Variants in NEK10 observed in about 807,000 individuals in gnomAD.
NEK10 encodes NIMA related kinase 10, also known as serine/threonine-protein kinase Nek10.
A neutral mutation model predicts 159.8 loss-of-function variants in NEK10; 122 were observed. That is an observed-to-expected ratio of 0.76 (90% CI 0.66 to 0.89). NEK10 has a LOEUF of 0.89. Among genes scored for constraint, NEK10 ranks in the 40% least tolerant of loss-of-function variants. The pLI is 0.00. For missense variants in NEK10, 1,342 were observed against 1,323.1 expected (o/e 1.01, Z -0.22); for synonymous variants, 466 against 457.1 (o/e 1.02, Z -0.25).
At chr3:27,311,291 C>A in intron 8 of NEK10, 1 of 260,658 alleles carries the variant, frequency 3.8e-6, no homozygotes, top group Non-Finnish European at 7.2e-6. Context: ...AGTTCCTTAA[C>A]ATCATTACCA....
chr3:27,288,130 A>G (rs777098848), intron 19 of NEK10, among the ~76,000 whole-genome samples: 1 of 152,204 alleles, frequency 6.6e-6, no homozygotes, highest in Non-Finnish European at 1.5e-5. Context: ...GTTGACTACA[A>G]ATATTCATTG....
Position 27,108,705 on chromosome 3 carries a change from G to A in NEK10, c.*2567C>T, listed in dbSNP as rs781667762. Among the ~76,000 whole-genome samples, 36 of 152,196 alleles carry A rather than the reference G, an allele frequency of 2.4e-4. No homozygotes were observed. The highest frequency in any genetic ancestry group is 2.1e-4 in the Non-Finnish European group (14 of 68,036). ...AGATTAAGAGGTCTATGAAGTTCAT[G>A]TAACAACTCCTTTGCACTAATAGAC... On this transcript the variant is annotated 3_prime_UTR_variant, in exon 36 of 36. Coordinates refer to ENST00000691995, the MANE Select transcript of NEK10 (RefSeq NM_001394966.1).
chr3:27,328,564 A>G (rs1254770757), intron 5 of NEK10, among the ~76,000 whole-genome samples: 1 of 152,190 alleles, frequency 6.6e-6, no homozygotes, highest in African/African-American at 2.4e-5. Context: ...GAGTGAGCAA[A>G]GATAGAGCAA....
intron 23 of NEK10, among the ~76,000 whole-genome samples, chr3:27,209,964 C>T (rs909820965): frequency 4.6e-5 from 7 of 151,626 alleles, no homozygotes; most frequent in Admixed American, 3.9e-4. Flanking sequence ...CCCCACCCCA[C>T]TCCTATCCGA....
At chr3:27,280,912 GGTGTGTGT>G (rs148929788) in intron 22 of NEK10, among the ~76,000 whole-genome samples, 4 of 137,600 alleles carry the variant, frequency 2.9e-5, no homozygotes, top group African/African-American at 1.0e-4. Flanking sequence ...ATGTACATAT[GGTGTGTGT>G]GTGTGTGTGT....
At chr3:27,294,522 C>T (rs979152689) in intron 15 of NEK10, among the ~76,000 whole-genome samples, 2 of 152,300 alleles carry the variant, frequency 1.3e-5, no homozygotes, top group South Asian at 2.1e-4. Flanking sequence ...ACTGGCTTAA[C>T]GAAATGTCTC....
At chr3:27,314,166 G>T in intron 7 of NEK10, 131 bp downstream of exon 7, 1 of 681,462 alleles carries the variant, frequency 1.5e-6, no homozygotes, top group Non-Finnish European at 2.7e-6. Context: ...CACACTTAAC[G>T]CTGTCTGTCC....
chr3:27,194,559 C>T (rs1949405917), intron 25 of NEK10: 1 of 152,134 alleles, frequency 6.6e-6, no homozygotes, highest in Admixed American at 6.5e-5. Flanking sequence ...GTCCCCACTC[C>T]ACTCTGAAAG....
chr3:27,312,210 G>A, intron 7 of NEK10, 33 bp from the exon 8 acceptor site: 2 of 1,425,286 alleles, frequency 1.4e-6, no homozygotes, highest in East Asian at 4.8e-5. Flanking sequence ...AAGCCAGTCA[G>A]GACACCAAAA....
intron 5 of NEK10, among the ~76,000 whole-genome samples, chr3:27,323,659 A>T (rs765415576): frequency 8.5e-5 from 13 of 152,212 alleles, no homozygotes; most frequent in Non-Finnish European, 1.6e-4. Flanking sequence ...TATCCAAAAT[A>T]CCATCATCAG....
chr3:27,346,047 A>G, intron 4 of NEK10, 39 bp downstream of exon 4: 3 of 1,605,820 alleles, frequency 1.9e-6, no homozygotes, highest in Non-Finnish European at 2.6e-6. Flanking sequence ...GCTAAGCAGA[A>G]TAAGTTGCTG....
At chr3:27,332,825 G>A (rs138402106) in intron 5 of NEK10, among the ~76,000 whole-genome samples, 40 of 152,230 alleles carry the variant, frequency 2.6e-4, no homozygotes, top group Admixed American at 6.5e-4. Flanking sequence ...GTACTTACCC[G>A]TTCAGGCAGA....
chr3:27,295,773 C>T, intron 14 of NEK10, 83 bp from the exon 15 acceptor site: 2 of 1,414,018 alleles, frequency 1.4e-6, no homozygotes, highest in South Asian at 1.6e-5. Context: ...CAATCTCAAA[C>T]ATTAATATCA....
Position 27,304,897 on chromosome 3 carries a change from A to G in NEK10, c.878T>C (p.Ile293Thr). The change falls in exon 12 of 36, where the codon ATA becomes ACA. Residue 293 changes from isoleucine (I) to threonine (T), a missense_variant. Ile to Thr is a moderately conservative substitution (Grantham distance 89, BLOSUM62 -1). Coordinates refer to ENST00000691995, the MANE Select transcript of NEK10 (RefSeq NM_001394966.1). ...VKEQVKLYEGIPVLLSLLHSD... is the reference protein window; with the variant it reads ...VKEQVKLYEGTPVLLSLLHSD... ...GTGGAGCAGACTGAGGAGGACCGGT[A>G]TCCCCTCATAGAGCTTCACCTGCTC... 1 of 1,613,198 alleles carries G rather than the reference A, an allele frequency of 6.2e-7. No individual in the cohort carries two copies. The highest frequency in any genetic ancestry group is 8.5e-7 in the Non-Finnish European group (1 of 1,179,216).
At position 27,304,746 on chromosome 3, in the gene NEK10, C is replaced by A. The variant is rs1323610713; in HGVS notation, c.1028+1G>T. 34 of 1,604,458 alleles carry A rather than the reference C, an allele frequency of 2.1e-5. No homozygotes were observed. The highest frequency in any genetic ancestry group is 2.8e-5 in the Non-Finnish European group (33 of 1,171,406). On this transcript the variant is annotated splice_donor_variant, in intron 12 of 35. Coordinates refer to ENST00000691995, the MANE Select transcript of NEK10 (RefSeq NM_001394966.1). LOFTEE classifies it high-confidence loss of function. ...GTAGGCCAAAGCCCACTTTTACTCA[C>A]CCTTGTAAAATATGAAGAAGCTGTT...
At chr3:27,168,062 C>T (rs1007557602) in intron 29 of NEK10, among the ~76,000 whole-genome samples, 1 of 152,132 alleles carries the variant, frequency 6.6e-6, no homozygotes, top group Non-Finnish European at 1.5e-5. Context: ...TAAGCTTTCT[C>T]TTGGTACTAT....
chr3:27,319,064 G>C (rs1195017783), intron 6 of NEK10, among the ~76,000 whole-genome samples: 2 of 152,296 alleles, frequency 1.3e-5, no homozygotes, highest in African/African-American at 4.8e-5. Context: ...TGTGTCTCCT[G>C]CTAAAAACAG....
At chr3:27,347,464 T>G (rs529413595) in intron 3 of NEK10, among the ~76,000 whole-genome samples, 2 of 138,838 alleles carry the variant, frequency 1.4e-5, no homozygotes, top group African/African-American at 2.8e-5. Context: ...ATCGTGCCAT[T>G]GCACTCCAGT....
intron 28 of NEK10, 96 bp from the exon 29 acceptor site, chr3:27,171,969 G>A (rs1478568063): frequency 7.7e-7 from 1 of 1,295,142 alleles, no homozygotes; most frequent in Non-Finnish European, 1.1e-6. Flanking sequence ...ACAAATACTG[G>A]TGAAGATGCA....
Sources: allele counts gnomAD v4.1 joint callset (sites outside exome capture counted in the v4.1 genomes callset), GRCh38; gene constraint gnomAD v4.1.1; transcripts MANE v1.5; gene names NCBI Gene and HGNC (gene_info 2026-07-23, HGNC 2026-07-21).